SORCS3: variants seen among roughly 807,000 people sequenced by gnomAD.
SORCS3 encodes the protein VPS10 domain-containing receptor SorCS3.
A neutral mutation model predicts 146.3 loss-of-function variants in SORCS3; 57 were observed. The observed-to-expected ratio is 0.39, with a 90% CI of 0.31 to 0.49. SORCS3 has a LOEUF of 0.49. SORCS3 is among the 20% of genes least tolerant of loss of function. The pLI is 0.92. For synonymous variants in SORCS3, 653 were observed against 618.5 expected, an observed-to-expected ratio of 1.06 and a Z score of -0.83; for missense variants, 1,341 against 1,575.5, an observed-to-expected ratio of 0.85 and a Z score of 2.52.
chr10:104,894,074 C>T (rs557054242), intron 2 of SORCS3, among the ~76,000 whole-genome samples: 1 of 152,310 alleles, frequency 6.6e-6, no homozygotes, highest in East Asian at 1.9e-4. Flanking sequence ...TCCAGCTACT[C>T]ACTGACCAGG....
intron 3 of SORCS3, among the ~76,000 whole-genome samples, chr10:104,969,688 AAAACT>A (rs1161847596): frequency 6.6e-6 from 1 of 152,184 alleles, no homozygotes; most frequent in East Asian, 1.9e-4. Context: ...AAAGCTCCAT[AAAACT>A]GCCACTCAAT....
chr10:104,931,713 A>G (rs564598069), intron 3 of SORCS3, among the ~76,000 whole-genome samples: 1 of 152,364 alleles, frequency 6.6e-6, no homozygotes, highest in Admixed American at 6.5e-5. Flanking sequence ...AATAGTGTTC[A>G]GGACTGAGAC....
At chr10:105,128,651 T>C (rs1219633915) in intron 7 of SORCS3, among the ~76,000 whole-genome samples, 1 of 152,310 alleles carries the variant, frequency 6.6e-6, no homozygotes, top group African/African-American at 2.4e-5. Context: ...TCTCATATTA[T>C]GTATTGCCTC....
chr10:104,799,832 C>T (rs937733049), intron 1 of SORCS3, among the ~76,000 whole-genome samples: 34 of 152,078 alleles, frequency 2.2e-4, no homozygotes, highest in African/African-American at 7.2e-4. Flanking sequence ...CCCACCACCA[C>T]GCCTGCCTAA....
chr10:105,255,926 T>C (rs2056928889), intron 24 of SORCS3, 125 bp downstream of exon 24: 1 of 701,538 alleles, frequency 1.4e-6, no homozygotes, highest in Non-Finnish European at 2.4e-6. Flanking sequence ...GGGTCCTTTT[T>C]GTAGTTATGG....
intron 1 of SORCS3, among the ~76,000 whole-genome samples, chr10:104,743,062 T>C (rs918150790): frequency 2.6e-5 from 4 of 152,172 alleles, no homozygotes; most frequent in Admixed American, 6.5e-5. Flanking sequence ...GTGGGGTGGA[T>C]AGAACATGTA....
At chr10:105,077,364 A>C (rs1397188192) in intron 5 of SORCS3, among the ~76,000 whole-genome samples, 6 of 152,182 alleles carry the variant, frequency 3.9e-5, no homozygotes, top group Admixed American at 3.9e-4. Flanking sequence ...TTTGAAGAAC[A>C]CTAATCTAGG....
chr10:104,777,682 A>C (rs2017325452), intron 1 of SORCS3, among the ~76,000 whole-genome samples: 1 of 152,124 alleles, frequency 6.6e-6, no homozygotes, highest in African/African-American at 2.4e-5. Flanking sequence ...CTCACAACAA[A>C]GTTATCAGCC....
At chr10:105,071,377 C>T (rs1037528197) in intron 5 of SORCS3, among the ~76,000 whole-genome samples, 1 of 152,230 alleles carries the variant, frequency 6.6e-6, no homozygotes, top group Non-Finnish European at 1.5e-5. Flanking sequence ...TCCATCTTGA[C>T]CTGCTCCTTG....
intron 2 of SORCS3, among the ~76,000 whole-genome samples, chr10:104,848,297 T>C (rs909869245): frequency 6.6e-6 from 1 of 152,236 alleles, no homozygotes; most frequent in African/African-American, 2.4e-5. Flanking sequence ...CCTTAATTGT[T>C]CTGTCAGTGA....
intron 1 of SORCS3, among the ~76,000 whole-genome samples, chr10:104,757,285 C>T (rs1407286742): frequency 3.9e-5 from 6 of 152,098 alleles, no homozygotes; most frequent in Admixed American, 1.3e-4. Flanking sequence ...AAGGCATTGG[C>T]CTTTTGGCTT....
intron 3 of SORCS3, among the ~76,000 whole-genome samples, chr10:104,938,190 G>A (rs1279526479): frequency 2.6e-5 from 4 of 152,214 alleles, no homozygotes; most frequent in Non-Finnish European, 5.9e-5. Flanking sequence ...TCAAGCTGAT[G>A]TGGTTCTCAG....
intron 1 of SORCS3, among the ~76,000 whole-genome samples, 165 bp from the exon 2 acceptor site, chr10:104,842,627 T>C (rs1389507176): frequency 1.3e-5 from 2 of 152,178 alleles, no homozygotes; most frequent in Non-Finnish European, 2.9e-5. Flanking sequence ...AATAACTTTT[T>C]CCCCCTTGCT....
chr10:104,903,706 A>G (rs2018875979), intron 2 of SORCS3, among the ~76,000 whole-genome samples: 1 of 152,224 alleles, frequency 6.6e-6, no homozygotes, highest in Non-Finnish European at 1.5e-5. Flanking sequence ...AGTCAAAACT[A>G]TTCTCTAATA....
chr10:105,158,071 G>A (rs775893977), intron 10 of SORCS3, among the ~76,000 whole-genome samples: 85 of 152,108 alleles, frequency 5.6e-4, no homozygotes, highest in Non-Finnish European at 1.1e-3. Flanking sequence ...GTAATTTTCA[G>A]CCTTATTCCA....
At chr10:104,975,517 A>T (rs1437679332) in intron 3 of SORCS3, among the ~76,000 whole-genome samples, 1 of 152,180 alleles carries the variant, frequency 6.6e-6, no homozygotes, top group Non-Finnish European at 1.5e-5. Context: ...TGCCATCCCC[A>T]TCAAGCTGCC....
intron 1 of SORCS3, among the ~76,000 whole-genome samples, chr10:104,767,349 G>C (rs2133481146): frequency 6.6e-6 from 1 of 152,242 alleles, no homozygotes; most frequent in East Asian, 1.9e-4. Flanking sequence ...GCAAATCACT[G>C]AGTAAAGGAA....
Position 105,201,122 on chromosome 10 carries a change from A to G in SORCS3, c.2130A>G (p.Gly710=), listed in dbSNP as rs375060365. 1.9e-6 allele frequency: 3 copies of G among 1,611,962 alleles called. No individual in the cohort carries two copies. The highest frequency in any genetic ancestry group is 2.7e-5 in the African/African-American group (2 of 74,904). Residue 710 remains glycine (G), a splice_region_variant and synonymous_variant, in exon 16 of 27, where the codon GGA becomes GGG. Transcript: ENST00000369701. ...DYQTWHLLNQ[G]EPCVMGERKI... ...ACACTATGGAATTTCTCTCTAAGGG[A>G]GAGCCTTGTGTCATGGGAGAAAGGA...
At chr10:104,870,683 C>T (rs1038830309) in intron 2 of SORCS3, among the ~76,000 whole-genome samples, 6 of 152,030 alleles carry the variant, frequency 3.9e-5, no homozygotes, top group African/African-American at 1.4e-4. Context: ...AAATGGCTCA[C>T]TTGGAGAGGG....
Sources: gnomAD v4.1 joint callset for allele counts (sites outside exome capture counted in the v4.1 genomes callset) on GRCh38, gnomAD v4.1.1 for gene constraint, MANE v1.5 for transcripts, NCBI Gene and HGNC (gene_info 2026-07-23, HGNC 2026-07-21) for gene names.